NALF1: variants seen among roughly 807,000 people sequenced by gnomAD.
NALF1 encodes the protein NALCN channel auxiliary factor 1.
A neutral mutation model predicts 48.4 loss-of-function variants in NALF1; 3 were observed. The observed-to-expected ratio is 0.06, with a 90% CI of 0.03 to 0.16. The LOEUF is 0.16. NALF1 is among the 10% of genes least tolerant of loss of function. NALF1 has a pLI of 1.00. For missense variants in NALF1, 526 were observed against 571.5 expected (o/e 0.92, Z 0.81); for synonymous variants, 262 against 245.7 (o/e 1.07, Z -0.62).
At chr13:107,799,728 T>G (rs1425683054) in intron 1 of NALF1, among the ~76,000 whole-genome samples, 2 of 152,140 alleles carry the variant, frequency 1.3e-5, no homozygotes, top group African/African-American at 4.8e-5. Flanking sequence ...TATTGATAAT[T>G]TGAAAAGTGT....
intron 1 of NALF1, among the ~76,000 whole-genome samples, chr13:107,637,048 A>T (rs919189733): frequency 6.6e-6 from 1 of 151,904 alleles, no homozygotes; most frequent in African/African-American, 2.4e-5. Context: ...CGGTATCAGT[A>T]CAGTAAGATG....
At chr13:107,790,558 T>G (rs533468652) in intron 1 of NALF1, among the ~76,000 whole-genome samples, 10 of 152,336 alleles carry the variant, frequency 6.6e-5, no homozygotes, top group African/African-American at 2.4e-4. Flanking sequence ...CTGAAATCTG[T>G]ATGTCAGATC....
chr13:107,730,180 T>A (rs1049227961), intron 1 of NALF1, among the ~76,000 whole-genome samples: 10 of 152,212 alleles, frequency 6.6e-5, no homozygotes, highest in African/African-American at 2.4e-4. Flanking sequence ...TCGAGAATCA[T>A]TACATTATTT....
intron 1 of NALF1, among the ~76,000 whole-genome samples, chr13:107,535,753 G>T (rs1380321393): frequency 4.6e-5 from 7 of 152,106 alleles, no homozygotes; most frequent in African/African-American, 1.7e-4. Context: ...AACCAAAAAA[G>T]AGTCCACATT....
intron 1 of NALF1, among the ~76,000 whole-genome samples, chr13:107,556,609 A>G (rs1402157737): frequency 6.6e-6 from 1 of 151,922 alleles, no homozygotes; most frequent in Non-Finnish European, 1.5e-5. Context: ...TTCCTGTCTC[A>G]GCCTCCCAAG....
At chr13:107,447,969 G>A (rs1884678338) in intron 1 of NALF1, among the ~76,000 whole-genome samples, 1 of 152,126 alleles carries the variant, frequency 6.6e-6, no homozygotes, top group Admixed American at 6.5e-5. Flanking sequence ...TCCACTTCTT[G>A]GTTCTGGGGA....
chr13:107,291,328 G>C (rs1881616434), intron 1 of NALF1, among the ~76,000 whole-genome samples: 1 of 151,928 alleles, frequency 6.6e-6, no homozygotes. Flanking sequence ...CCAAAAATGT[G>C]AAATCTGAAA....
At chr13:107,328,156 G>T (rs1200731585) in intron 1 of NALF1, among the ~76,000 whole-genome samples, 2 of 151,922 alleles carry the variant, frequency 1.3e-5, no homozygotes, top group African/African-American at 4.8e-5. Flanking sequence ...GAGCTCAAGG[G>T]ATCTACCCAC....
At chr13:107,608,531 A>G (rs547534974) in intron 1 of NALF1, among the ~76,000 whole-genome samples, 63 of 152,306 alleles carry the variant, frequency 4.1e-4, no homozygotes, top group African/African-American at 1.4e-3. Context: ...TGTTACTTAA[A>G]GGGGAGTTTT....
chr13:107,673,204 C>T (rs968713787), intron 1 of NALF1, among the ~76,000 whole-genome samples: 6 of 152,074 alleles, frequency 3.9e-5, no homozygotes, highest in African/African-American at 1.4e-4. Flanking sequence ...CTTCTCTTTC[C>T]TCCTGTCTTC....
intron 1 of NALF1, among the ~76,000 whole-genome samples, chr13:107,543,657 G>T (rs1223220097): frequency 6.6e-6 from 1 of 151,898 alleles, no homozygotes; most frequent in African/African-American, 2.4e-5. Flanking sequence ...GGAACGGTCT[G>T]CATATAGATG....
At chr13:107,816,503 A>G (rs915454231) in intron 1 of NALF1, among the ~76,000 whole-genome samples, 1 of 152,132 alleles carries the variant, frequency 6.6e-6, no homozygotes, top group Non-Finnish European at 1.5e-5. Flanking sequence ...TCACTACCAC[A>G]TGAACAGTAA....
intron 1 of NALF1, among the ~76,000 whole-genome samples, chr13:107,495,758 T>G (rs2139073352): frequency 6.6e-6 from 1 of 152,280 alleles, no homozygotes; most frequent in African/African-American, 2.4e-5. Context: ...GAAAATGTGT[T>G]AAAATACTGA....
intron 1 of NALF1, among the ~76,000 whole-genome samples, chr13:107,416,746 G>A (rs1194947381): frequency 6.6e-6 from 1 of 152,124 alleles, no homozygotes; most frequent in Admixed American, 6.6e-5. Context: ...CAACCCTCAC[G>A]TTGCTCAAGG....
At chr13:107,461,536 T>C (rs77622292) in intron 1 of NALF1, among the ~76,000 whole-genome samples, 2,894 of 152,294 alleles carry the variant, frequency 0.019, 106 homozygotes, top group African/African-American at 0.066. Context: ...CTCTAAACAC[T>C]TCCTACCACC....
intron 1 of NALF1, among the ~76,000 whole-genome samples, chr13:107,394,066 C>A (rs1000054941): frequency 2.6e-5 from 4 of 152,110 alleles, no homozygotes; most frequent in African/African-American, 9.7e-5. Flanking sequence ...ATGTAACAAA[C>A]GCATGATGCC....
intron 1 of NALF1, among the ~76,000 whole-genome samples, chr13:107,680,995 AG>A (rs1881287693): frequency 2.7e-5 from 4 of 150,620 alleles, no homozygotes; most frequent in Non-Finnish European, 5.9e-5. Flanking sequence ...TTAATTTTTC[AG>A]TTTTCTGCCT....
chr13:107,229,635 C>G (rs1393121028), intron 1 of NALF1, among the ~76,000 whole-genome samples: 1 of 152,064 alleles, frequency 6.6e-6, no homozygotes, highest in Non-Finnish European at 1.5e-5. Context: ...GAAAGCAGCA[C>G]CCCACACCCA....
rs80093434 is a variant in NALF1 at position 107,388,670 on chromosome 13, T to G, written c.916-177915A>C. 4.4e-4 allele frequency among the ~76,000 whole-genome samples: 67 copies of G among 152,262 alleles called. No homozygotes were observed. In the East Asian group the frequency reaches 0.012, roughly 28 times the overall value. ...AATGAATGTTCTTTAAGCAAGTAAGTGTACTCCATCAAGAAAAAGTAAAAT... is the reference window on the plus strand; with the variant it reads ...AATGAATGTTCTTTAAGCAAGTAAGGGTACTCCATCAAGAAAAAGTAAAAT... On this transcript the variant is annotated intron_variant, in intron 1 of 2. Coordinates refer to ENST00000375915, the MANE Select transcript of NALF1 (RefSeq NM_001080396.3).
Sources: gnomAD v4.1 joint callset for allele counts (sites outside exome capture counted in the v4.1 genomes callset) on GRCh38, gnomAD v4.1.1 for gene constraint, MANE v1.5 for transcripts, NCBI Gene and HGNC (gene_info 2026-07-23, HGNC 2026-07-21) for gene names.